DPP6: variants seen among roughly 807,000 people sequenced by gnomAD.
The protein encoded by DPP6 is dipeptidyl peptidase like 6, also known as A-type potassium channel modulatory protein DPP6.
Under a neutral mutation model 122.6 loss-of-function variants are expected in DPP6, and 69 were observed. The ratio of observed to expected loss-of-function variants is 0.56; its 90% CI spans 0.46 to 0.69. The LOEUF is 0.69. DPP6 is among the 30% of genes least tolerant of loss of function. The pLI is 0.00. For synonymous variants in DPP6, 418 were observed against 433.1 expected (o/e 0.97, Z 0.43); for missense variants, 928 against 1,116.9 (o/e 0.83, Z 2.41).
chr7:153,878,658 A>G, the DPP6 span, among the ~76,000 whole-genome samples: 1 of 151,802 alleles, frequency 6.6e-6, no homozygotes, highest in Admixed American at 6.6e-5. Context: ...CTTTTGAGAC[A>G]CCGCTTATCT....
At chr7:154,327,413 A>C (rs1360979038) in intron 1 of DPP6, among the ~76,000 whole-genome samples, 6 of 152,092 alleles carry the variant, frequency 3.9e-5, no homozygotes, top group African/African-American at 1.2e-4. Flanking sequence ...GTCAACATAT[A>C]TATTGATGAA....
intron 1 of DPP6, among the ~76,000 whole-genome samples, chr7:154,112,376 G>A (rs568470769): frequency 2.6e-5 from 4 of 152,180 alleles, no homozygotes; most frequent in Non-Finnish European, 5.9e-5. Context: ...CAGGCATGGT[G>A]GCTCACACCT....
chr7:154,698,623 A>ATAGTAAATTG (rs1840348887), intron 7 of DPP6, among the ~76,000 whole-genome samples: 1 of 152,242 alleles, frequency 6.6e-6, no homozygotes, highest in African/African-American at 2.4e-5. Flanking sequence ...CATATATTTA[A>ATAGTAAATTG]TAGTAAATTG....
At chr7:154,419,983 C>T (rs563067238) in intron 1 of DPP6, among the ~76,000 whole-genome samples, 3 of 152,076 alleles carry the variant, frequency 2.0e-5, no homozygotes, top group Non-Finnish European at 4.4e-5. Flanking sequence ...ATGCCTTTGA[C>T]GGATGGTTGG....
chr7:153,779,908 A>G, the DPP6 span, among the ~76,000 whole-genome samples: 2 of 151,804 alleles, frequency 1.3e-5, no homozygotes, highest in African/African-American at 4.8e-5. Flanking sequence ...TCAATGGTAG[A>G]GAAGATACAT....
chr7:153,820,615 C>A, the DPP6 span, among the ~76,000 whole-genome samples: 1 of 152,010 alleles, frequency 6.6e-6, no homozygotes, highest in Non-Finnish European at 1.5e-5. Context: ...ATACTTCTGC[C>A]ATATTCCAGT....
chr7:154,624,005 C>T lies in DPP6; in HGVS notation c.628-13816C>T, dbSNP rs1458544244. 6.6e-6 allele frequency among the ~76,000 whole-genome samples: 1 copy of T among 152,142 alleles called. No homozygotes were observed. Among genetic ancestry groups the T allele is most frequent in the African/African-American group, 2.4e-5 (1 of 41,426 alleles). On this transcript the variant is annotated intron_variant, in intron 5 of 25. Coordinates refer to ENST00000377770, the MANE Select transcript of DPP6 (RefSeq NM_130797.4). This position sits in a 1 kb window ranked among gnomAD's most constrained non-coding sequence, Gnocchi z 4.7. ...GGTGAGGAATTCGAGACCAGCCTGGCCGACATGGTGAAACCCCATCTCTAC... is the reference window on the plus strand; with the variant it reads ...GGTGAGGAATTCGAGACCAGCCTGGTCGACATGGTGAAACCCCATCTCTAC...
At chr7:154,165,354 G>T (rs1287728516) in intron 1 of DPP6, among the ~76,000 whole-genome samples, 1 of 142,336 alleles carries the variant, frequency 7.0e-6, no homozygotes, top group African/African-American at 3.0e-5. Flanking sequence ...TTTTATGACC[G>T]CATAGTATTC....
chr7:154,276,952 C>T (rs944638688), intron 1 of DPP6, among the ~76,000 whole-genome samples: 7 of 152,252 alleles, frequency 4.6e-5, no homozygotes, highest in East Asian at 3.9e-4. Context: ...AGGCACATCA[C>T]GGTATTCTTG....
At chr7:153,763,876 C>T in the DPP6 span, among the ~76,000 whole-genome samples, 6 of 152,154 alleles carry the variant, frequency 3.9e-5, no homozygotes, top group Admixed American at 2.6e-4. Flanking sequence ...CAAATAAGCT[C>T]TAACGAAAAT....
intron 1 of DPP6, among the ~76,000 whole-genome samples, chr7:154,171,125 C>A (rs900930687): frequency 6.6e-6 from 1 of 152,200 alleles, no homozygotes. Flanking sequence ...GTTGTGAGAC[C>A]TTGGATTTGG....
At chr7:154,079,980 G>C (rs1188592364) in intron 1 of DPP6, among the ~76,000 whole-genome samples, 5 of 151,398 alleles carry the variant, frequency 3.3e-5, no homozygotes, top group East Asian at 1.9e-4. Context: ...AAGAAGACTT[G>C]AAGGAAGTTT....
chr7:154,031,400 A>T (rs1438648741), intron 1 of DPP6, among the ~76,000 whole-genome samples: 1 of 151,120 alleles, frequency 6.6e-6, no homozygotes, highest in African/African-American at 2.5e-5. Context: ...AAAGGTCATA[A>T]TTATTTTTAT....
intron 1 of DPP6, among the ~76,000 whole-genome samples, chr7:154,348,610 T>G (rs1810591816): frequency 6.6e-6 from 1 of 152,172 alleles, no homozygotes; most frequent in African/African-American, 2.4e-5. Flanking sequence ...AGCATCTTCA[T>G]CTCAGGAAGA....
chr7:154,834,234 G>A (rs796345288), intron 16 of DPP6, among the ~76,000 whole-genome samples: 57 of 151,706 alleles, frequency 3.8e-4, no homozygotes, highest in African/African-American at 1.3e-3. Flanking sequence ...TTGGGAGGCC[G>A]AGGCAGGCGG....
chr7:153,845,917 C>T, the DPP6 span, among the ~76,000 whole-genome samples: 1 of 152,056 alleles, frequency 6.6e-6, no homozygotes, highest in African/African-American at 2.4e-5. Flanking sequence ...TTTAATTATA[C>T]TTTCATTATT....
chr7:154,425,543 G>A (rs1817808604), intron 1 of DPP6, among the ~76,000 whole-genome samples: 1 of 151,942 alleles, frequency 6.6e-6, no homozygotes, highest in Non-Finnish European at 1.5e-5. Flanking sequence ...ATGCAGGAGT[G>A]TGGTGGCCTC....
intron 1 of DPP6, among the ~76,000 whole-genome samples, chr7:154,222,020 G>C (rs911120242): frequency 6.6e-6 from 1 of 151,850 alleles, no homozygotes; most frequent in African/African-American, 2.4e-5. Context: ...ACATCTTTTC[G>C]GGAGAACCTC....
At chr7:154,707,205 T>G (rs1237089382) in intron 7 of DPP6, among the ~76,000 whole-genome samples, 1 of 152,242 alleles carries the variant, frequency 6.6e-6, no homozygotes, top group Non-Finnish European at 1.5e-5. Flanking sequence ...TTGATGACAC[T>G]TATTATGCTA....
Sources: allele counts gnomAD v4.1 joint callset (sites outside exome capture counted in the v4.1 genomes callset), GRCh38; gene constraint gnomAD v4.1.1; non-coding constraint Gnocchi (gnomAD v3.1); transcripts MANE v1.5; gene names NCBI Gene and HGNC (gene_info 2026-07-23, HGNC 2026-07-21).